The following PALD1 variants were observed in gnomAD, a reference collection of about 807,000 sequenced individuals.
The protein encoded by PALD1 is phosphatase domain containing paladin 1.
In PALD1, 57 loss-of-function variants were observed where a neutral mutation model predicts 96.0. The ratio of observed to expected loss-of-function variants is 0.59; its 90% CI spans 0.48 to 0.74. The LOEUF (loss-of-function observed/expected upper bound fraction) is 0.74. PALD1 is among the 30% of genes least tolerant of loss of function. PALD1 has a pLI of 0.00. For missense variants in PALD1, 1,063 were observed against 1,143.7 expected (o/e 0.93, Z 1.02); for synonymous variants, 464 against 473.6 (o/e 0.98, Z 0.26).
In PALD1 at chr10:70,539,119, A is replaced by G; in HGVS notation, c.1597A>G (p.Thr533Ala). 6.2e-7 allele frequency: 1 copy of G among 1,613,826 alleles called. No individual in the cohort carries two copies. The highest frequency in any genetic ancestry group is 8.5e-7 in the Non-Finnish European group (1 of 1,179,890). The change falls in exon 14 of 20, where the codon ACG becomes GCG. Residue 533 changes from threonine to alanine, a missense_variant. By Grantham distance (58) the Thr-to-Ala change is moderately conservative. Coordinates refer to ENST00000263563, the MANE Select transcript of PALD1 (RefSeq NM_014431.3). This position sits in a 1 kb window ranked among gnomAD's most constrained non-coding sequence, Gnocchi z 4.5. ...KALGSILAYL[T>A]DAKRRLRKVV... Reference sequence around the variant, plus strand: ...CCTGGGGAGCATCCTGGCCTACCTGACGGACGCCAAGAGGAGGCTGCGGAA... The same window carrying G: ...CCTGGGGAGCATCCTGGCCTACCTGGCGGACGCCAAGAGGAGGCTGCGGAA...
chr10:70,564,658 G>C (rs533307483), intron 19 of PALD1, 139 bp downstream of exon 19: 198 of 780,904 alleles, frequency 2.5e-4, no homozygotes, highest in Admixed American at 8.2e-4. Flanking sequence ...CTTTCTGCAG[G>C]AGGCTTCTGT....
At chr10:70,498,116 C>G (rs1434210687) in intron 1 of PALD1, among the ~76,000 whole-genome samples, 1 of 152,174 alleles carries the variant, frequency 6.6e-6, no homozygotes, top group Non-Finnish European at 1.5e-5. Context: ...ACCCACAGTT[C>G]TACTTCCTGT....
rs111471981 is a variant in PALD1, at chr10:70,482,966, C to T, written c.-30+3907C>T. Among the ~76,000 whole-genome samples the T allele has an allele frequency of 4.6e-3, 701 of 152,228 alleles. 2 individuals carry two copies. The highest frequency in any genetic ancestry group is 0.016 in the African/African-American group (658 of 41,526). On this transcript the variant is annotated intron_variant, in intron 1 of 19. Coordinates refer to ENST00000263563, the MANE Select transcript of PALD1 (RefSeq NM_014431.3). ...GGACCAGTTGGTGGGAAGGGACCAG[C>T]GTGGCATCTTGATGTGGGTTCCTGA...
At chr10:70,461,050 C>T in the PALD1 span, among the ~76,000 whole-genome samples, 1 of 149,938 alleles carries the variant, frequency 6.7e-6, no homozygotes, top group Admixed American at 6.7e-5. Flanking sequence ...AGCAAAACTT[C>T]GTCTCAAAAA....
intron 1 of PALD1, among the ~76,000 whole-genome samples, chr10:70,504,074 G>A (rs1008966893): frequency 2.0e-5 from 3 of 152,232 alleles, no homozygotes. Context: ...CTGCAAAAAT[G>A]GGAGTAAGGC....
chr10:70,545,324 G>T (rs1017429859), intron 17 of PALD1, among the ~76,000 whole-genome samples: 1 of 152,056 alleles, frequency 6.6e-6, no homozygotes, highest in Non-Finnish European at 1.5e-5. Context: ...TACAACATGG[G>T]TTCACATTTA....
rs61307157 is a variant in PALD1 at position 70,508,843 on chromosome 10, C to CTGTGTGTGTGTGTGTGTG, written c.-29-17066_-29-17065insTGTGTGTGTGTGTGTGTG. ...TGCAGGCCTGTGGGAGCTGCGGAAC[C>CTGTGTGTGTGTGTGTGTG]TGTGTGTGTGTGTGCAGGCCTGTGG... On this transcript the variant is annotated intron_variant, in intron 1 of 19. Coordinates refer to ENST00000263563, the MANE Select transcript of PALD1 (RefSeq NM_014431.3). 5.5e-3 allele frequency among the ~76,000 whole-genome samples: 524 copies of CTGTGTGTGTGTGTGTGTG among 94,590 alleles called. 22 individuals are homozygous for CTGTGTGTGTGTGTGTGTG. The highest frequency in any genetic ancestry group is 0.014 in the South Asian group (39 of 2,812). 62.1% of individuals were successfully genotyped at this position (94,590 alleles called of 152,430 possible). A position where few individuals can be genotyped will look rare whatever the true frequency, so the allele number is the denominator to read the frequency against.
At chr10:70,527,546 T>C (rs1175364340) in intron 2 of PALD1, among the ~76,000 whole-genome samples, 1 of 152,216 alleles carries the variant, frequency 6.6e-6, no homozygotes, top group Non-Finnish European at 1.5e-5. Context: ...ATTGAGTAGT[T>C]GCAACAGGCG....
chr10:70,506,884 T>G (rs1430193330), intron 1 of PALD1, among the ~76,000 whole-genome samples: 5 of 152,064 alleles, frequency 3.3e-5, no homozygotes. Flanking sequence ...TCCTTAGCCT[T>G]CTCACCTGGG....
intron 1 of PALD1, among the ~76,000 whole-genome samples, chr10:70,508,784 CGTGTGTGTGTGTGT>C (rs111850326): frequency 3.0e-5 from 3 of 100,032 alleles, no homozygotes; most frequent in East Asian, 3.2e-4. Flanking sequence ...CTCTGTATGG[CGTGTGTGTGTGTGT>C]GTGTGTGTGT....
At chr10:70,566,447 G>A in intron 19 of PALD1, 134 bp from the exon 20 acceptor site, 1 of 670,052 alleles carries the variant, frequency 1.5e-6, no homozygotes. Context: ...GCTCAGAGAA[G>A]TTAACAGAAG....
At chr10:70,552,152 C>T (rs1035947864) in intron 18 of PALD1, among the ~76,000 whole-genome samples, 11 of 152,216 alleles carry the variant, frequency 7.2e-5, no homozygotes, top group Non-Finnish European at 1.2e-4. Context: ...GCAGAGCTGA[C>T]GTTCTCGTAG....
chr10:70,534,345 C>T, intron 8 of PALD1, 80 bp from the exon 9 acceptor site: 1 of 962,202 alleles, frequency 1.0e-6, no homozygotes, highest in South Asian at 1.4e-5. Flanking sequence ...CCCCAGCGGC[C>T]ATATGAGTGG....
At chr10:70,557,431 G>A (rs57387708) in intron 18 of PALD1, among the ~76,000 whole-genome samples, 181 of 152,328 alleles carry the variant, frequency 1.2e-3, no homozygotes, top group African/African-American at 4.2e-3. Context: ...GCTGAACAGC[G>A]TCTGTTGAAC....
chr10:70,494,757 T>C (rs1467876628), intron 1 of PALD1, among the ~76,000 whole-genome samples: 1 of 152,224 alleles, frequency 6.6e-6, no homozygotes, highest in Non-Finnish European at 1.5e-5. Flanking sequence ...CCTCACAGCT[T>C]CCTGTGGAAG....
upstream of PALD1, among the ~76,000 whole-genome samples, chr10:70,477,962 C>A (rs930228106): frequency 1.3e-5 from 2 of 152,178 alleles, no homozygotes; most frequent in Non-Finnish European, 2.9e-5. Flanking sequence ...CACCCACGTG[C>A]TCGCGGGGGC....
At chr10:70,503,493 G>A (rs1164321610) in intron 1 of PALD1, among the ~76,000 whole-genome samples, 2 of 151,934 alleles carry the variant, frequency 1.3e-5, no homozygotes, top group South Asian at 2.1e-4. Flanking sequence ...AAAATTAGCC[G>A]GGCATGGTGG....
chr10:70,564,592 G>GTGCC (rs923434863), intron 19 of PALD1, 73 bp downstream of exon 19: 1 of 1,462,962 alleles, frequency 6.8e-7, no homozygotes, highest in African/African-American at 1.4e-5. Context: ...CAGCCACTCA[G>GTGCC]TGCCTGTACA....
intron 10 of PALD1, among the ~76,000 whole-genome samples, chr10:70,535,967 T>C (rs1236990551): frequency 1.3e-5 from 2 of 152,162 alleles, no homozygotes; most frequent in Non-Finnish European, 2.9e-5. Context: ...GGTCTTTTTC[T>C]TTCTAAAAAT....
Sources: gnomAD v4.1 joint callset for allele counts (sites outside exome capture counted in the v4.1 genomes callset) on GRCh38, gnomAD v4.1.1 for gene constraint, Gnocchi (gnomAD v3.1) non-coding constraint, MANE v1.5 for transcripts, NCBI Gene and HGNC (gene_info 2026-07-23, HGNC 2026-07-21) for gene names.